NFS1: variants seen among roughly 807,000 people sequenced by gnomAD.
NFS1 encodes cysteine desulfurase.
Under a neutral mutation model 57.3 loss-of-function variants are expected in NFS1, and 26 were observed. The ratio of observed to expected loss-of-function variants is 0.45; its 90% CI spans 0.33 to 0.63. The LOEUF (loss-of-function observed/expected upper bound fraction) is 0.63. Among genes scored for constraint, NFS1 ranks in the 20% least tolerant of loss-of-function variants. The pLI, the probability that NFS1 is intolerant of heterozygous loss-of-function variation, is 0.02. For synonymous variants in NFS1, 209 were observed against 216.3 expected, an observed-to-expected ratio of 0.97 and a Z score of 0.30; for missense variants, 505 against 605.8, an observed-to-expected ratio of 0.83 and a Z score of 1.75.
At chr20:35,681,261 T>G (rs190036754) in intron 6 of NFS1, among the ~76,000 whole-genome samples, 254 of 152,220 alleles carry the variant, frequency 1.7e-3, no homozygotes, top group African/African-American at 5.9e-3. Context: ...TTAACAGATC[T>G]TTGTGCTAAT....
At chr20:35,673,379 A>G (rs758968213) in intron 11 of NFS1, among the ~76,000 whole-genome samples, 1 of 152,158 alleles carries the variant, frequency 6.6e-6, no homozygotes, top group East Asian at 1.9e-4. Flanking sequence ...GTGAATCAGA[A>G]TATCTGAATG....
intron 4 of NFS1, among the ~76,000 whole-genome samples, chr20:35,691,618 G>T (rs2035041384): frequency 6.6e-6 from 1 of 150,518 alleles, no homozygotes; most frequent in Non-Finnish European, 1.5e-5. Context: ...GCACGCACCT[G>T]TAATCCCAAC....
rs780361119 is a variant in NFS1, at chr20:35,690,539, C to G, written c.435G>C (p.Arg145=). ...TCTGGGTGGTGATCAAGTGCTTTTTCCGTGACCTGTAGAATCGGGCCACCC... is the reference window on the plus strand; with the variant it reads ...TCTGGGTGGTGATCAAGTGCTTTTTGCGTGACCTGTAGAATCGGGCCACCC... ...IKGVARFYRS[R]KKHLITTQTE... The change falls in exon 5 of 13, where the codon CGG becomes CGC. Residue 145 remains arginine (R), a synonymous_variant. Coordinates refer to ENST00000374092, the MANE Select transcript of NFS1 (RefSeq NM_021100.5). The G allele has an allele frequency of 1.9e-6, 3 of 1,614,050 alleles. No homozygotes were observed. Among genetic ancestry groups the G allele is most frequent in the Non-Finnish European group, 1.7e-6 (2 of 1,180,014 alleles).
At chr20:35,682,906 G>C (rs2034873398) in intron 5 of NFS1, 1 of 164,994 alleles carries the variant, frequency 6.1e-6, no homozygotes, top group African/African-American at 2.4e-5. Flanking sequence ...GTGAAACCCT[G>C]TCTCTACTAA....
intron 5 of NFS1, among the ~76,000 whole-genome samples, chr20:35,689,208 C>A (rs1204862322): frequency 6.6e-6 from 1 of 152,188 alleles, no homozygotes. Flanking sequence ...GTCCTCCAGG[C>A]CAGGTACAGT....
chr20:35,670,914 G>A (rs1309114752), intron 12 of NFS1, among the ~76,000 whole-genome samples: 2 of 152,160 alleles, frequency 1.3e-5, no homozygotes, highest in Non-Finnish European at 2.9e-5. Context: ...GGGAAGCAGA[G>A]TATATACCTG....
Position 35,669,657 on chromosome 20 carries a change from T to C in NFS1, c.1339A>G (p.Ile447Val), listed in dbSNP as rs903261732. The change falls in exon 13 of 13, where the codon ATT (isoleucine) becomes GTT (valine). Residue 447 changes from isoleucine to valine, a missense_variant. Coordinates refer to ENST00000374092, the MANE Select transcript of NFS1 (RefSeq NM_021100.5). ...GTCCACTTGATGCTCTTGAGGTCAA[T>C]GCCATCCTGAACCATCTCCCAGAGA... Reference protein sequence around the residue: ...SPLWEMVQDGIDLKSIKWTQH With the variant: ...SPLWEMVQDGVDLKSIKWTQH 2 of 1,614,134 alleles carry C rather than the reference T, an allele frequency of 1.2e-6. No homozygotes were observed. Among genetic ancestry groups the C allele is most frequent in the African/African-American group, 2.7e-5 (2 of 75,034 alleles).
chr20:35,683,827 GCTGGGTATGGTGGCTCACAC>G (rs564943979), intron 5 of NFS1, among the ~76,000 whole-genome samples: 21 of 149,922 alleles, frequency 1.4e-4, no homozygotes, highest in East Asian at 5.9e-4. Flanking sequence ...GAAAGAAATT[GCTGGGTATGGTGGCTCACAC>G]CTGGGTATGG....
chr20:35,684,423 A>ATAACAAAC (rs1568961171), intron 5 of NFS1, among the ~76,000 whole-genome samples: 12 of 139,540 alleles, frequency 8.6e-5, no homozygotes, highest in East Asian at 6.4e-4. Flanking sequence ...AATAAAATAA[A>ATAACAAAC]ATAAAATAAA....
chr20:35,674,351 T>C lies in NFS1; in HGVS notation c.1135A>G (p.Ser379Gly). Reference protein sequence around the residue: ...ALKDVALSSGSACTSASLEPS... With the variant: ...ALKDVALSSGGACTSASLEPS... ...CCCTGTCTATGCCGTCCAGCTCACCTCCCTGAGGATAAGGCAACGTCCTTC... is the reference window on the plus strand; with the variant it reads ...CCCTGTCTATGCCGTCCAGCTCACCCCCCTGAGGATAAGGCAACGTCCTTC... Residue 379 changes from serine to glycine, a missense_variant and splice_region_variant, in exon 10 of 13, where the codon AGT (serine) becomes GGT (glycine). By Grantham distance (56) the Ser-to-Gly change is moderately conservative. Coordinates refer to ENST00000374092, the MANE Select transcript of NFS1 (RefSeq NM_021100.5). 1 of 1,613,724 alleles carries C rather than the reference T, an allele frequency of 6.2e-7. No homozygotes were observed. Among genetic ancestry groups the C allele is most frequent in the Non-Finnish European group, 8.5e-7 (1 of 1,179,826 alleles).
At chr20:35,675,425 T>C (rs1399475943) in intron 7 of NFS1, 11 of 598,310 alleles carry the variant, frequency 1.8e-5, no homozygotes, top group Non-Finnish European at 3.3e-5. Flanking sequence ...ATGATCAAAA[T>C]GGTTTAAAGT....
At chr20:35,689,794 C>T (rs1479920249) in intron 5 of NFS1, among the ~76,000 whole-genome samples, 1 of 146,454 alleles carries the variant, frequency 6.8e-6, no homozygotes, top group East Asian at 2.0e-4. Flanking sequence ...AAAAATTAGC[C>T]AGGTGTGGTG....
At chr20:35,698,413 A>G in intron 2 of NFS1, 68 bp downstream of exon 2, 1 of 1,202,440 alleles carries the variant, frequency 8.3e-7, no homozygotes, top group Non-Finnish European at 1.2e-6. Context: ...GGATTCAGCC[A>G]TTTCTTTGCG....
At chr20:35,681,313 T>C (rs955389559) in intron 6 of NFS1, among the ~76,000 whole-genome samples, 2 of 151,858 alleles carry the variant, frequency 1.3e-5, no homozygotes. Flanking sequence ...GTGGGGAGAA[T>C]AGAGATGTTC....
At chr20:35,693,007 A>G (rs1324846712) in intron 4 of NFS1, among the ~76,000 whole-genome samples, 1 of 152,020 alleles carries the variant, frequency 6.6e-6, no homozygotes, top group Non-Finnish European at 1.5e-5. Context: ...CCCTTGGGAA[A>G]AAAAAAAAGA....
intron 4 of NFS1, chr20:35,692,387 AAATT>A (rs1412590978): frequency 4.2e-5 from 8 of 192,296 alleles, no homozygotes; most frequent in South Asian, 8.2e-5. Context: ...ATAAATAAAT[AAATT>A]AATTAATTAA....
chr20:35,689,315 C>T (rs1360867637), intron 5 of NFS1, among the ~76,000 whole-genome samples: 1 of 152,108 alleles, frequency 6.6e-6, no homozygotes, highest in East Asian at 1.9e-4. Context: ...TGGTGAAACT[C>T]TGTCTCTACT....
rs530664780 is a variant in NFS1, at chr20:35,668,803, C to T, written c.*819G>A. ...CTGTTAACCAGTGTATTCCTAATAC[C>T]CAGAACAAATCTGGCTCCTGGCAGG... On this transcript the variant is annotated 3_prime_UTR_variant, in exon 13 of 13. Coordinates refer to ENST00000374092, the MANE Select transcript of NFS1 (RefSeq NM_021100.5). 6.6e-6 allele frequency: 1 copy of T among 152,154 alleles called. No individual in the cohort carries two copies. Among genetic ancestry groups the T allele is most frequent in the East Asian group, 1.9e-4 (1 of 5,186 alleles). 9.4% of individuals were successfully genotyped at this position (152,154 alleles called of 1,614,324 possible).
chr20:35,673,470 C>T (rs935171948), intron 11 of NFS1, 131 bp downstream of exon 11: 1 of 694,262 alleles, frequency 1.4e-6, no homozygotes, highest in Admixed American at 2.8e-5. Flanking sequence ...GAAACTTTCA[C>T]AAGGTTATGA....
Sources: allele counts gnomAD v4.1 joint callset (sites outside exome capture counted in the v4.1 genomes callset), GRCh38; gene constraint gnomAD v4.1.1; transcripts MANE v1.5; gene names NCBI Gene and HGNC (gene_info 2026-07-23, HGNC 2026-07-21).